The following MYH15 variants were observed in gnomAD, a reference collection of about 807,000 sequenced individuals.
The protein encoded by MYH15 is myosin-15.
In MYH15, 227 loss-of-function variants were observed where a neutral mutation model predicts 240.5. The observed-to-expected ratio is 0.94, with a 90% CI of 0.85 to 1.05. The LOEUF (loss-of-function observed/expected upper bound fraction) is 1.05. Among genes scored for constraint, MYH15 ranks in the 50% least tolerant of loss-of-function variants. MYH15 has a pLI of 0.00. For synonymous variants in MYH15, 785 were observed against 796.7 expected, an observed-to-expected ratio of 0.99 and a Z score of 0.25; for missense variants, 2,217 against 2,247.5, an observed-to-expected ratio of 0.99 and a Z score of 0.27.
chr3:108,415,789 G>A (rs1166693279), intron 29 of MYH15, among the ~76,000 whole-genome samples: 1 of 152,178 alleles, frequency 6.6e-6, no homozygotes, highest in Non-Finnish European at 1.5e-5. Context: ...AGCCAGGGCA[G>A]CTGGAGGGGA....
intron 4 of MYH15, 129 bp from the exon 5 acceptor site, chr3:108,499,611 GT>G: frequency 1.1e-6 from 1 of 905,788 alleles, no homozygotes; most frequent in Non-Finnish European, 1.7e-6. Context: ...ATCATTTATA[GT>G]TAGAAAAACA....
Position 108,383,473 on chromosome 3 carries a change from T to C in MYH15, c.5766+122A>G, listed in dbSNP as rs979298901. 54 of 1,067,088 alleles carry C rather than the reference T, an allele frequency of 5.1e-5. No homozygotes were observed. In the African/African-American group the frequency reaches 8.0e-4, roughly 16 times the overall value. 66.1% of individuals were successfully genotyped at this position (1,067,088 alleles called of 1,614,324 possible). ...GGAAGATTTTATTGGAACCCTTTGT[T>C]CTTATCTTTTAAAAGCTTTTAAGGA... On this transcript the variant is annotated intron_variant, in intron 40 of 40. Transcript: ENST00000693548.
At chr3:108,514,879 C>T (rs1291826708), upstream of MYH15, among the ~76,000 whole-genome samples, 2 of 152,182 alleles carry the variant, frequency 1.3e-5, no homozygotes, top group African/African-American at 4.8e-5. Flanking sequence ...CATCCTGGAG[C>T]CTCCTAATCC....
At chr3:108,486,664 C>A (rs1044020858) in intron 9 of MYH15, 138 bp from the exon 10 acceptor site, 3 of 504,624 alleles carry the variant, frequency 5.9e-6, no homozygotes, top group South Asian at 4.3e-5. Context: ...ATATTTTAGA[C>A]CCAAACTTCT....
At chr3:108,455,348 G>A (rs1282581601) in intron 20 of MYH15, among the ~76,000 whole-genome samples, 1 of 152,166 alleles carries the variant, frequency 6.6e-6, no homozygotes, top group Non-Finnish European at 1.5e-5. Flanking sequence ...GTCCCTAAGA[G>A]AATACTGTCC....
chr3:108,416,758 TTA>T (rs2082636179), intron 29 of MYH15, 52 bp downstream of exon 29: 1 of 1,270,100 alleles, frequency 7.9e-7, no homozygotes, highest in African/African-American at 2.8e-5. Context: ...GCACTATTTT[TTA>T]AAAAAAAAAA....
intron 9 of MYH15, among the ~76,000 whole-genome samples, chr3:108,487,396 G>A (rs141114793): frequency 7.9e-4 from 120 of 152,314 alleles, no homozygotes; most frequent in Middle Eastern, 3.4e-3. Context: ...GCAGTTGAAT[G>A]GGTTAACAAA....
At chr3:108,455,680 TAC>T in intron 20 of MYH15, 54 bp downstream of exon 20, 3 of 1,579,800 alleles carry the variant, frequency 1.9e-6, no homozygotes, top group South Asian at 2.2e-5. Flanking sequence ...TATTTTAAGA[TAC>T]ACAGTCTTCC....
intron 31 of MYH15, among the ~76,000 whole-genome samples, chr3:108,409,485 C>T (rs1460382316): frequency 6.6e-6 from 1 of 152,242 alleles, no homozygotes; most frequent in Non-Finnish European, 1.5e-5. Flanking sequence ...GCCATCTGTG[C>T]TTTAACAAGC....
intron 32 of MYH15, among the ~76,000 whole-genome samples, chr3:108,405,870 T>C (rs751697047): frequency 2.6e-5 from 4 of 152,130 alleles, no homozygotes; most frequent in Non-Finnish European, 5.9e-5. Flanking sequence ...ATTCTGGACA[T>C]CACGAGGGGA....
chr3:108,525,437 T>C (rs1344135586), intron 1 of MYH15, among the ~76,000 whole-genome samples: 2 of 152,086 alleles, frequency 1.3e-5, no homozygotes, highest in African/African-American at 4.8e-5. Context: ...ATTTGGAAAT[T>C]TTCTGTCAGC....
intron 9 of MYH15, among the ~76,000 whole-genome samples, chr3:108,491,191 A>G (rs2083344245): frequency 6.6e-6 from 1 of 152,008 alleles, no homozygotes; most frequent in Non-Finnish European, 1.5e-5. Flanking sequence ...CCCAGCCTAG[A>G]TCATGTATTC....
At chr3:108,466,409 T>C (rs2083118152) in intron 14 of MYH15, among the ~76,000 whole-genome samples, 1 of 152,196 alleles carries the variant, frequency 6.6e-6, no homozygotes, top group Non-Finnish European at 1.5e-5. Flanking sequence ...GCTTACATTT[T>C]TCTACAGCAT....
chr3:108,505,065 T>A lies in MYH15; in HGVS notation c.195+658A>T, dbSNP rs72941752. On this transcript the variant is annotated intron_variant, in intron 2 of 40. Transcript: ENST00000693548. The stretch of plus-strand genomic sequence containing the variant: ...CTCAAATTATACATCTCATTCTTGA[T>A]CCTACAAACACAGCTTGCTTCGTGG... 3.3e-3 allele frequency among the ~76,000 whole-genome samples: 503 copies of A among 152,334 alleles called. 2 individuals carry two copies. Among genetic ancestry groups the A allele is most frequent in the African/African-American group, 0.011 (456 of 41,582 alleles).
chr3:108,424,637 C>T (rs148952310), intron 27 of MYH15, among the ~76,000 whole-genome samples: 96 of 152,254 alleles, frequency 6.3e-4, no homozygotes, highest in African/African-American at 2.1e-3. Context: ...TCTAAATTGC[C>T]CTGAGCCTCT....
intron 16 of MYH15, among the ~76,000 whole-genome samples, chr3:108,461,341 T>C (rs1043737127): frequency 7.2e-5 from 11 of 152,202 alleles, no homozygotes; most frequent in African/African-American, 2.7e-4. Context: ...CTACCTTTCA[T>C]TAATTTTTTA....
intron 38 of MYH15, among the ~76,000 whole-genome samples, chr3:108,387,590 TAAG>T (rs897503740): frequency 6.9e-6 from 1 of 145,838 alleles, no homozygotes; most frequent in Admixed American, 6.7e-5. Context: ...AATAAAACAA[TAAG>T]AAGAATCAAT....
chr3:108,404,569 C>T (rs9288871), intron 33 of MYH15, among the ~76,000 whole-genome samples: 4 of 152,124 alleles, frequency 2.6e-5, no homozygotes. Context: ...TGCTTTTATC[C>T]CCTCACTTCA....
At chr3:108,477,279 AG>A (rs1311128531) in intron 11 of MYH15, among the ~76,000 whole-genome samples, 2 of 152,192 alleles carry the variant, frequency 1.3e-5, no homozygotes, top group Non-Finnish European at 2.9e-5. Flanking sequence ...GCAATCCATA[AG>A]GACAGAAAGT....
Sources: gnomAD v4.1 joint callset for allele counts (sites outside exome capture counted in the v4.1 genomes callset) on GRCh38, gnomAD v4.1.1 for gene constraint, MANE v1.5 for transcripts, NCBI Gene and HGNC (gene_info 2026-07-23, HGNC 2026-07-21) for gene names.